Variants in CSMD1 observed in about 807,000 individuals in gnomAD.
CSMD1 encodes the protein CUB and sushi domain-containing protein 1.
In CSMD1, 213 loss-of-function variants were observed where a neutral mutation model predicts 417.5. The observed-to-expected ratio is 0.51, with a 90% CI of 0.46 to 0.57. The LOEUF is 0.57. Among genes scored for constraint, CSMD1 ranks in the 20% least tolerant of loss-of-function variants. CSMD1 has a pLI of 0.00. For synonymous variants in CSMD1, 2,862 were observed against 1,736.8 expected, an observed-to-expected ratio of 1.65 and a Z score of -16.11; for missense variants, 6,923 against 4,529.7, an observed-to-expected ratio of 1.53 and a Z score of -15.17.
chr8:3,900,683 T>C (rs1029334655), intron 5 of CSMD1, among the ~76,000 whole-genome samples: 7 of 151,980 alleles, frequency 4.6e-5, no homozygotes, highest in African/African-American at 1.4e-4. Context: ...GGTGACAGTG[T>C]AGCTTGGTGG....
chr8:3,418,874 A>G (rs1042403461), intron 12 of CSMD1, among the ~76,000 whole-genome samples: 4 of 152,250 alleles, frequency 2.6e-5, no homozygotes, highest in Admixed American at 6.5e-5. Flanking sequence ...TTAAAGACAT[A>G]GAAAACGAAT....
chr8:4,957,664 C>A (rs573711989), intron 1 of CSMD1, among the ~76,000 whole-genome samples: 1 of 152,232 alleles, frequency 6.6e-6, no homozygotes, highest in Admixed American at 6.5e-5. Flanking sequence ...TTAAAATTAA[C>A]AAAAGGATAT....
Position 3,290,295 on chromosome 8 carries a change from G to C in CSMD1, c.3951-5949C>G, listed in dbSNP as rs567441963. Among the ~76,000 whole-genome samples the C allele has an allele frequency of 8.2e-5, 12 of 147,126 alleles. No homozygotes were observed. In the East Asian group the frequency reaches 2.4e-3, roughly 29 times the overall value. On this transcript the variant is annotated intron_variant, in intron 25 of 69. Transcript: ENST00000635120. ...AGCTTTGTTCTTTTGGCTTAGGATT[G>C]ACTTGGTGATTTGGGCTCTTTTTTG...
intron 49 of CSMD1, among the ~76,000 whole-genome samples, chr8:3,084,957 T>G (rs1814416003): frequency 6.6e-6 from 1 of 151,854 alleles, no homozygotes; most frequent in African/African-American, 2.4e-5. Context: ...ATATTATAAT[T>G]AAAATGCTAT....
At position 3,909,650 on chromosome 8, in the gene CSMD1, G is replaced by A. The variant is rs2627413; in HGVS notation, c.818+88253C>T. On this transcript the variant is annotated intron_variant, in intron 5 of 69. Coordinates refer to ENST00000635120, the MANE Select transcript of CSMD1 (RefSeq NM_033225.6). The stretch of plus-strand genomic sequence containing the variant: ...TGTTTGTGCTGCAGGAATGGGTGAA[G>A]AGTCACCTGGGAACCCTCCTTTTCC... Among the ~76,000 whole-genome samples, 2 of 152,002 alleles carry A rather than the reference G, an allele frequency of 1.3e-5. 1 individual carries two copies. Among genetic ancestry groups the A allele is most frequent in the South Asian group, 4.2e-4 (2 of 4,818 alleles).
At chr8:4,477,596 A>T (rs1800873768) in intron 2 of CSMD1, among the ~76,000 whole-genome samples, 1 of 152,170 alleles carries the variant, frequency 6.6e-6, no homozygotes, top group African/African-American at 2.4e-5. Context: ...AGAAGTTCCT[A>T]TTTAAACTGA....
chr8:3,753,838 A>T, intron 6 of CSMD1, 92 bp downstream of exon 6: 1 of 798,078 alleles, frequency 1.3e-6, no homozygotes, highest in Non-Finnish European at 2.0e-6. Flanking sequence ...TTTTCAAGCT[A>T]TTTATCCAAC....
At chr8:3,805,295 G>A (rs1217763514) in intron 5 of CSMD1, among the ~76,000 whole-genome samples, 1 of 152,164 alleles carries the variant, frequency 6.6e-6, no homozygotes, top group Non-Finnish European at 1.5e-5. Flanking sequence ...AGGAGCCACA[G>A]ATTCCACCAG....
intron 1 of CSMD1, among the ~76,000 whole-genome samples, chr8:4,989,336 G>C (rs1007378052): frequency 6.6e-6 from 1 of 152,120 alleles, no homozygotes; most frequent in Non-Finnish European, 1.5e-5. Flanking sequence ...GCGTCAGATT[G>C]GTTGGACTTG....
intron 7 of CSMD1, among the ~76,000 whole-genome samples, chr8:3,660,118 G>C (rs1470159244): frequency 1.3e-5 from 2 of 152,190 alleles, no homozygotes; most frequent in African/African-American, 2.4e-5. Context: ...ACATTTTATA[G>C]TTTGCAAAAT....
At position 4,370,502 on chromosome 8, in the gene CSMD1, G is replaced by A. The variant is rs541398220; in HGVS notation, c.415+49451C>T. Among the ~76,000 whole-genome samples, 25 of 152,246 alleles carry A rather than the reference G, an allele frequency of 1.6e-4. No individual in the cohort carries two copies. The South Asian group carries it at 4.8e-3, about 29-fold the overall frequency. On this transcript the variant is annotated intron_variant, in intron 3 of 69. Transcript: ENST00000635120. ...GGCAACTGTCCTAATGGGACTGGAA[G>A]GATTTCCATGGACTATATGTTCAAA...
intron 3 of CSMD1, among the ~76,000 whole-genome samples, chr8:4,033,204 G>T (rs948086066): frequency 6.6e-6 from 1 of 150,800 alleles, no homozygotes; most frequent in Non-Finnish European, 1.5e-5. Flanking sequence ...ACTTTGGGAG[G>T]CCGAGGCAGG....
intron 1 of CSMD1, among the ~76,000 whole-genome samples, chr8:4,744,165 C>A (rs777378500): frequency 1.3e-5 from 2 of 152,174 alleles, no homozygotes; most frequent in African/African-American, 4.8e-5. Context: ...CTATAAAGAG[C>A]GTCGCAGTCC....
intron 5 of CSMD1, among the ~76,000 whole-genome samples, chr8:3,995,819 T>C (rs12680540): frequency 0.45 from 67,974 of 151,992 alleles, 15,294 homozygotes; most frequent in South Asian, 0.52. Flanking sequence ...AGAGAGCAGC[T>C]AAGCTAACAG....
intron 12 of CSMD1, among the ~76,000 whole-genome samples, chr8:3,415,850 T>C (rs1443581597): frequency 1.3e-5 from 2 of 152,228 alleles, no homozygotes; most frequent in Admixed American, 1.3e-4. Flanking sequence ...TGGATCTATG[T>C]TGTTTAGAAA....
intron 7 of CSMD1, among the ~76,000 whole-genome samples, chr8:3,657,371 G>T (rs997973994): frequency 5.3e-5 from 8 of 152,094 alleles, no homozygotes; most frequent in African/African-American, 1.7e-4. Flanking sequence ...TCTCTGCAAT[G>T]AAACTATAAA....
chr8:3,649,497 C>T (rs549003294), intron 7 of CSMD1, among the ~76,000 whole-genome samples: 3 of 152,262 alleles, frequency 2.0e-5, no homozygotes, highest in African/African-American at 7.2e-5. Context: ...AGGAAATTTA[C>T]AATCATGGTG....
At chr8:4,017,176 G>A (rs1333377517) in intron 4 of CSMD1, among the ~76,000 whole-genome samples, 5 of 152,180 alleles carry the variant, frequency 3.3e-5, no homozygotes, top group Non-Finnish European at 5.9e-5. Context: ...GTATGTTGAA[G>A]CTTCCTTCTA....
intron 3 of CSMD1, among the ~76,000 whole-genome samples, chr8:4,269,934 A>T (rs1045816701): frequency 6.6e-6 from 1 of 152,182 alleles, no homozygotes; most frequent in Non-Finnish European, 1.5e-5. Flanking sequence ...CGTTCAAGCC[A>T]ACAGTTGGGG....
Sources: allele counts gnomAD v4.1 joint callset (sites outside exome capture counted in the v4.1 genomes callset), GRCh38; gene constraint gnomAD v4.1.1; transcripts MANE v1.5; gene names NCBI Gene and HGNC (gene_info 2026-07-23, HGNC 2026-07-21).